ATP10A: variants seen among roughly 807,000 people sequenced by gnomAD.
ATP10A encodes the protein ATPase phospholipid transporting 10A (putative), also known as phospholipid-transporting ATPase VA.
A neutral mutation model predicts 147.8 loss-of-function variants in ATP10A; 111 were observed. The observed-to-expected ratio is 0.75, with a 90% CI of 0.64 to 0.88. The LOEUF is 0.88. ATP10A is among the 40% of genes least tolerant of loss of function. ATP10A has a pLI of 0.00. For synonymous variants in ATP10A, 875 were observed against 841.6 expected (o/e 1.04, Z -0.69); for missense variants, 1,927 against 1,959.0 (o/e 0.98, Z 0.31).
At chr15:25,757,438 GAT>G (rs1227384511) in intron 2 of ATP10A, among the ~76,000 whole-genome samples, 1 of 152,098 alleles carries the variant, frequency 6.6e-6, no homozygotes. Context: ...AAGAAAGTAA[GAT>G]GTGTTTTTGG....
chr15:25,805,404 T>C (rs1891136842), intron 1 of ATP10A, among the ~76,000 whole-genome samples: 1 of 152,248 alleles, frequency 6.6e-6, no homozygotes, highest in Non-Finnish European at 1.5e-5. Flanking sequence ...ATTTTTTCAA[T>C]GGCAGCACTT....
intron 1 of ATP10A, among the ~76,000 whole-genome samples, chr15:25,820,863 A>T (rs28564380): frequency 6.6e-6 from 1 of 152,048 alleles, no homozygotes; most frequent in East Asian, 1.9e-4. Context: ...TTCAGGGTTC[A>T]AAAGAACTTT....
intron 1 of ATP10A, among the ~76,000 whole-genome samples, chr15:25,801,258 G>T (rs1258421507): frequency 6.6e-6 from 1 of 152,116 alleles, no homozygotes; most frequent in Admixed American, 6.5e-5. Flanking sequence ...AGGTGTCCAG[G>T]GGCCCTTCCA....
Position 25,813,896 on chromosome 15 carries a change from T to A in ATP10A, c.450-32673A>T, listed in dbSNP as rs55927281. ...AAATGAAAAGTACATCAGTAATCTA[T>A]GGGACAACTTCTAGTAGCCTAATCT... On this transcript the variant is annotated intron_variant, in intron 1 of 20. Coordinates refer to ENST00000555815, the MANE Select transcript of ATP10A (RefSeq NM_024490.4). Among the ~76,000 whole-genome samples, 1,115 of 152,196 alleles carry A rather than the reference T, an allele frequency of 7.3e-3. 8 individuals are homozygous for A. Among genetic ancestry groups the A allele is most frequent in the African/African-American group, 0.026 (1,066 of 41,530 alleles).
intron 2 of ATP10A, among the ~76,000 whole-genome samples, chr15:25,766,482 C>A (rs1889027978): frequency 1.3e-5 from 2 of 152,144 alleles, no homozygotes; most frequent in Admixed American, 1.3e-4. Context: ...AAATGCTCCA[C>A]CAGCATCTCC....
At chr15:25,704,122 T>C (rs1900834274) in intron 12 of ATP10A, among the ~76,000 whole-genome samples, 1 of 152,238 alleles carries the variant, frequency 6.6e-6, no homozygotes, top group Admixed American at 6.5e-5. Flanking sequence ...AGACTGTGTG[T>C]GGCCCGTGTC....
chr15:25,857,786 G>A (rs1373267117), intron 1 of ATP10A, among the ~76,000 whole-genome samples: 2 of 152,160 alleles, frequency 1.3e-5, no homozygotes, highest in East Asian at 1.9e-4. Context: ...TGAACACGGG[G>A]TCAGAGCAGG....
Position 25,712,176 on chromosome 15 carries a change from G to A in ATP10A, c.2344+1498C>T, listed in dbSNP as rs558222599. On this transcript the variant is annotated intron_variant, in intron 10 of 20. Coordinates refer to ENST00000555815, the MANE Select transcript of ATP10A (RefSeq NM_024490.4). ...TCTGGGTTATCCTTGGTAATTTTTT[G>A]GGGGGGACGGGGTGGAGTGTGAAAT... Among the ~76,000 whole-genome samples the A allele has an allele frequency of 1.3e-5, 2 of 152,300 alleles. 1 individual carries two copies. Among genetic ancestry groups the A allele is most frequent in the South Asian group, 4.1e-4 (2 of 4,824 alleles).
intron 1 of ATP10A, chr15:25,848,726 C>T (rs1282540970): frequency 6.5e-6 from 1 of 153,802 alleles, no homozygotes; most frequent in Non-Finnish European, 1.5e-5. Context: ...GAATAATCTC[C>T]CCATCTTTTT....
chr15:25,713,418 C>T (rs1405393435), intron 10 of ATP10A, among the ~76,000 whole-genome samples: 4 of 152,204 alleles, frequency 2.6e-5, no homozygotes, highest in Non-Finnish European at 4.4e-5. Flanking sequence ...AAACGTGACA[C>T]TCTTCAAGTA....
At chr15:25,830,828 T>C (rs887336868) in intron 1 of ATP10A, among the ~76,000 whole-genome samples, 2 of 152,212 alleles carry the variant, frequency 1.3e-5, no homozygotes, top group East Asian at 3.8e-4. Flanking sequence ...CTTTCAGCAC[T>C]TACCTGCTCC....
chr15:25,695,049 C>A lies in ATP10A; in HGVS notation c.2858G>T (p.Arg953Met), dbSNP rs746104844. 3.1e-6 allele frequency: 5 copies of A among 1,614,200 alleles called. No individual in the cohort carries two copies. The South Asian group carries it at 5.5e-5, about 18-fold the overall frequency. Residue 953 changes from arginine to methionine, a missense_variant, in exon 14 of 21, where the codon AGG (arginine) becomes ATG (methionine). Arg to Met is a moderately conservative substitution (Grantham distance 91). Coordinates refer to ENST00000555815, the MANE Select transcript of ATP10A (RefSeq NM_024490.4). The stretch of plus-strand genomic sequence containing the variant: ...GGAGGGTGGGCAGAGAGAGGAGAAC[C>A]TCATGCTCACTTTGCCCTTGGTCTT... ...PEKTKGKVSM[R>M]FSSLCPPSTS...
intron 1 of ATP10A, among the ~76,000 whole-genome samples, chr15:25,786,316 C>T (rs548689181): frequency 1.3e-5 from 2 of 152,310 alleles, no homozygotes; most frequent in East Asian, 1.9e-4. Flanking sequence ...CGAGTGAACA[C>T]GGCTGGAAGG....
chr15:25,777,384 C>G (rs1294813515), intron 2 of ATP10A, among the ~76,000 whole-genome samples: 1 of 152,082 alleles, frequency 6.6e-6, no homozygotes. Context: ...CTAGCAAGTT[C>G]TTATGCTTGG....
At chr15:25,746,928 T>G (rs1887871270) in intron 2 of ATP10A, among the ~76,000 whole-genome samples, 1 of 152,212 alleles carries the variant, frequency 6.6e-6, no homozygotes, top group East Asian at 1.9e-4. Flanking sequence ...GTAAGTGTAA[T>G]GCAAATAATA....
At chr15:25,677,674 C>A (rs929737219), downstream of ATP10A, 3 of 152,330 alleles carry the variant, frequency 2.0e-5, no homozygotes, top group African/African-American at 4.8e-5. Flanking sequence ...AGGGTTGGGA[C>A]GGCTGTCACC....
intron 2 of ATP10A, among the ~76,000 whole-genome samples, chr15:25,743,883 G>A (rs572199960): frequency 1.4e-4 from 22 of 152,168 alleles, no homozygotes; most frequent in African/African-American, 5.1e-4. Context: ...TCTGTCTCAC[G>A]CTGTATCACT....
chr15:25,796,987 T>A (rs1467974392), intron 1 of ATP10A, among the ~76,000 whole-genome samples: 1 of 152,230 alleles, frequency 6.6e-6, no homozygotes, highest in Non-Finnish European at 1.5e-5. Context: ...TTTTTTCTGA[T>A]GAGAACATTT....
At position 25,702,049 on chromosome 15, in the gene ATP10A, G is replaced by C. The variant is rs761088037; in HGVS notation, c.2627C>G (p.Ser876Cys). 2.5e-6 allele frequency: 4 copies of C among 1,614,184 alleles called. No individual in the cohort carries two copies. The East Asian group carries it at 6.7e-5, about 27-fold the overall frequency. The change falls in exon 13 of 21, where the codon TCT (serine) becomes TGT (cysteine). Residue 876 changes from serine (S) to cysteine (C), a missense_variant. Transcript: ENST00000555815. Reference protein sequence around the residue: ...RLQDGVPETISKLRQAGLQIW... With the variant: ...RLQDGVPETICKLRQAGLQIW... ...CTGCAGGCCCGCTTGACGCAATTTA[G>C]AAATAGTTTCAGGGACTCCGTCCTG...
Sources: allele counts gnomAD v4.1 joint callset (sites outside exome capture counted in the v4.1 genomes callset), GRCh38; gene constraint gnomAD v4.1.1; transcripts MANE v1.5; gene names NCBI Gene and HGNC (gene_info 2026-07-23, HGNC 2026-07-21).